KSR2: variants seen among roughly 807,000 people sequenced by gnomAD.
KSR2 encodes kinase suppressor of ras 2.
Under a neutral mutation model 107.8 loss-of-function variants are expected in KSR2, and 25 were observed. That is an observed-to-expected ratio of 0.23 (90% CI 0.17 to 0.32). KSR2 has a LOEUF of 0.32. Among genes scored for constraint, KSR2 ranks in the 10% least tolerant of loss-of-function variants. KSR2 has a pLI of 1.00. For missense variants in KSR2, 887 were observed against 1,268.9 expected (o/e 0.70, Z 4.57); for synonymous variants, 480 against 507.0 (o/e 0.95, Z 0.71).
chr12:117,749,557 C>T (rs560541235), intron 4 of KSR2, among the ~76,000 whole-genome samples: 1 of 152,172 alleles, frequency 6.6e-6, no homozygotes, highest in Admixed American at 6.5e-5. Context: ...TACTCTGTTA[C>T]CCAACCCACA....
chr12:117,673,685 G>T (rs930727514), intron 4 of KSR2, among the ~76,000 whole-genome samples: 1 of 152,064 alleles, frequency 6.6e-6, no homozygotes, highest in Admixed American at 6.5e-5. Flanking sequence ...CATGGTCAGG[G>T]GGAAAAAACA....
At chr12:117,871,504 T>C (rs535777153) in intron 1 of KSR2, among the ~76,000 whole-genome samples, 6 of 151,780 alleles carry the variant, frequency 4.0e-5, no homozygotes, top group Non-Finnish European at 8.8e-5. Flanking sequence ...ACGAGAATTG[T>C]TTGAACTCAG....
chr12:117,880,584 A>G (rs569800646), intron 1 of KSR2, among the ~76,000 whole-genome samples: 1 of 152,288 alleles, frequency 6.6e-6, no homozygotes, highest in East Asian at 1.9e-4. Flanking sequence ...AGGGATGGAA[A>G]ACAAGGCAGA....
chr12:117,961,663 C>T (rs926196384), intron 1 of KSR2, among the ~76,000 whole-genome samples: 18 of 152,274 alleles, frequency 1.2e-4, no homozygotes, highest in African/African-American at 4.1e-4. Context: ...CCTCCCTTTC[C>T]ACCAGCTGAA....
In KSR2 at chr12:117,459,573, A is replaced by AGAT. The variant is rs1328039011; in HGVS notation, c.*7623_*7625dup. On this transcript the variant is annotated 3_prime_UTR_variant, in exon 20 of 20. Transcript: ENST00000339824. The stretch of plus-strand genomic sequence containing the variant: ...CCTTCTAGATCTTAGAGGTCCTTCT[A>AGAT]GATCACCATCCCAATGACTTGGTTG... 2 of 152,242 alleles carry AGAT rather than the reference A, an allele frequency of 1.3e-5. No homozygotes were observed. The highest frequency in any genetic ancestry group is 2.9e-5 in the Non-Finnish European group (2 of 68,040). The allele number at this position is 152,242 out of a possible 1,614,324, so 9.4% of individuals were successfully genotyped here.
At chr12:117,925,201 G>A (rs1226765554) in intron 1 of KSR2, among the ~76,000 whole-genome samples, 1 of 150,702 alleles carries the variant, frequency 6.6e-6, no homozygotes, top group African/African-American at 2.4e-5. Context: ...TTGGCTCACT[G>A]CATCCTCCAC....
intron 3 of KSR2, among the ~76,000 whole-genome samples, chr12:117,794,244 C>T (rs1271013380): frequency 4.0e-5 from 4 of 101,254 alleles, no homozygotes; most frequent in South Asian, 8.3e-4. Flanking sequence ...CACACTCACA[C>T]CAACATGCAC....
At chr12:117,726,138 A>G (rs1442209277) in intron 4 of KSR2, among the ~76,000 whole-genome samples, 1 of 152,174 alleles carries the variant, frequency 6.6e-6, no homozygotes, top group African/African-American at 2.4e-5. Context: ...ACTGCACTCC[A>G]GCCTGGGTGA....
chr12:117,701,539 A>G (rs995363477), intron 4 of KSR2, among the ~76,000 whole-genome samples: 2 of 152,216 alleles, frequency 1.3e-5, no homozygotes, highest in African/African-American at 4.8e-5. Context: ...AAAAAAGAAA[A>G]AAAAGGCTAC....
chr12:117,501,089 T>C (rs1873347971), intron 14 of KSR2, among the ~76,000 whole-genome samples: 1 of 152,250 alleles, frequency 6.6e-6, no homozygotes, highest in African/African-American at 2.4e-5. Context: ...TAGCTAAGAA[T>C]GATTTGATAC....
intron 3 of KSR2, among the ~76,000 whole-genome samples, chr12:117,768,080 G>A (rs1197961481): frequency 1.3e-5 from 2 of 152,220 alleles, no homozygotes; most frequent in Non-Finnish European, 2.9e-5. Flanking sequence ...GTCATGCCAG[G>A]AGAGGAGCTG....
intron 4 of KSR2, among the ~76,000 whole-genome samples, chr12:117,724,848 G>A (rs1887354101): frequency 6.7e-6 from 1 of 149,208 alleles, no homozygotes; most frequent in Admixed American, 6.7e-5. Context: ...ATTGATTCCA[G>A]GAAGACTTCG....
In KSR2 at chr12:117,741,857, T is replaced by C. The variant is rs546924303; in HGVS notation, c.986+19154A>G. Among the ~76,000 whole-genome samples the C allele has an allele frequency of 1.3e-3, 203 of 152,328 alleles. 1 individual carries two copies. Among genetic ancestry groups the C allele is most frequent in the African/African-American group, 4.5e-3 (187 of 41,570 alleles). Reference sequence around the variant, plus strand: ...AATTGATTCAGGAAAGAATCATCAGTGGATGCTAAAACTCATAGTGAAATT... The same window carrying C: ...AATTGATTCAGGAAAGAATCATCAGCGGATGCTAAAACTCATAGTGAAATT... On this transcript the variant is annotated intron_variant, in intron 4 of 19. Transcript: ENST00000339824.
chr12:117,749,915 G>A (rs2136821512), intron 4 of KSR2, among the ~76,000 whole-genome samples: 1 of 152,134 alleles, frequency 6.6e-6, no homozygotes, highest in Non-Finnish European at 1.5e-5. Context: ...CCAGGATGGG[G>A]GTACTAGGTC....
Position 117,839,094 on chromosome 12 carries a change from A to G in KSR2, c.472+16334T>C, listed in dbSNP as rs998211391. On this transcript the variant is annotated intron_variant, in intron 3 of 19. Transcript: ENST00000339824. ...TAGAGAGAAAATCTCTCATTATCTG[A>G]TCACTATCCCTCCCACACGATCTCA... Among the ~76,000 whole-genome samples the G allele has an allele frequency of 9.9e-5, 15 of 152,284 alleles. No individual in the cohort carries two copies. In the South Asian group the frequency reaches 3.1e-3, roughly 32 times the overall value.
chr12:117,671,652 C>A (rs543920953), intron 4 of KSR2, among the ~76,000 whole-genome samples: 194 of 152,330 alleles, frequency 1.3e-3, no homozygotes, highest in Non-Finnish European at 2.4e-3. Context: ...CCTGTTGGAT[C>A]CTTCATCCCT....
chr12:117,945,865 T>C (rs1357125414), intron 1 of KSR2, among the ~76,000 whole-genome samples: 1 of 152,090 alleles, frequency 6.6e-6, no homozygotes, highest in Admixed American at 6.6e-5. Context: ...GGAGATATAC[T>C]TCTGGTAATT....
chr12:117,720,313 C>G (rs187445441), intron 4 of KSR2, among the ~76,000 whole-genome samples: 10 of 152,304 alleles, frequency 6.6e-5, no homozygotes, highest in Admixed American at 2.0e-4. Flanking sequence ...TTGCTACCCT[C>G]TTTAAAAATC....
At chr12:117,673,664 C>T (rs1465200068) in intron 4 of KSR2, among the ~76,000 whole-genome samples, 1 of 151,886 alleles carries the variant, frequency 6.6e-6, no homozygotes, top group Non-Finnish European at 1.5e-5. Flanking sequence ...CATCCACCCT[C>T]ATTACCAAGG....
Sources: gnomAD v4.1 joint callset for allele counts (sites outside exome capture counted in the v4.1 genomes callset) on GRCh38, gnomAD v4.1.1 for gene constraint, MANE v1.5 for transcripts, NCBI Gene and HGNC (gene_info 2026-07-23, HGNC 2026-07-21) for gene names.